Variants in DSE observed in about 807,000 individuals in gnomAD.
DSE encodes dermatan-sulfate epimerase.
In DSE, 36 loss-of-function variants were observed where a neutral mutation model predicts 84.4. The ratio of observed to expected loss-of-function variants is 0.43; its 90% CI spans 0.33 to 0.56. DSE has a LOEUF of 0.56. DSE is among the 20% of genes least tolerant of loss of function. The pLI, the probability that DSE is intolerant of heterozygous loss-of-function variation, is 0.06. For synonymous variants in DSE, 410 were observed against 430.1 expected, an observed-to-expected ratio of 0.95 and a Z score of 0.58; for missense variants, 862 against 1,169.6, an observed-to-expected ratio of 0.74 and a Z score of 3.84.
intron 2 of DSE, among the ~76,000 whole-genome samples, chr6:116,402,022 T>G (rs1334345485): frequency 6.6e-6 from 1 of 152,164 alleles, no homozygotes; most frequent in Non-Finnish European, 1.5e-5. Context: ...AGTTACTAAG[T>G]TATGTTCATT....
chr6:116,328,247 A>G (rs902149329), intron 2 of DSE, among the ~76,000 whole-genome samples: 3 of 152,236 alleles, frequency 2.0e-5, no homozygotes, highest in Non-Finnish European at 2.9e-5. Context: ...AAAGGATTCA[A>G]TGCTGTTTTT....
chr6:116,331,011 A>G (rs1583030483), intron 2 of DSE, among the ~76,000 whole-genome samples: 1 of 152,362 alleles, frequency 6.6e-6, no homozygotes, highest in Non-Finnish European at 1.5e-5. Flanking sequence ...AACAGAATAA[A>G]GGAAAAAATT....
At chr6:116,321,926 T>C (rs1776348487) in intron 2 of DSE, among the ~76,000 whole-genome samples, 1 of 152,034 alleles carries the variant, frequency 6.6e-6, no homozygotes, top group Non-Finnish European at 1.5e-5. Context: ...TTTCACATGA[T>C]AGTGTAGCAG....
In DSE at chr6:116,385,402, C is replaced by T. The variant is rs937572247; in HGVS notation, c.-53-13796C>T. On this transcript the variant is annotated intron_variant, in intron 1 of 5. Coordinates refer to ENST00000644252, the MANE Select transcript of DSE (RefSeq NM_013352.4). ...GCAGGTAGACAAATTTGGAGGCTGTCGCAGGCAAGACATGGTATGGCTGTA... is the reference window on the plus strand; with the variant it reads ...GCAGGTAGACAAATTTGGAGGCTGTTGCAGGCAAGACATGGTATGGCTGTA... Among the ~76,000 whole-genome samples, 5 of 151,968 alleles carry T rather than the reference C, an allele frequency of 3.3e-5. No homozygotes were observed. The South Asian group carries it at 1.0e-3, about 32-fold the overall frequency.
intron 2 of DSE, among the ~76,000 whole-genome samples, chr6:116,285,104 C>T (rs1773800986): frequency 6.6e-6 from 1 of 152,162 alleles, no homozygotes; most frequent in African/African-American, 2.4e-5. Flanking sequence ...CACTGACTTC[C>T]ACAATGGTTG....
chr6:116,279,728 T>G, intron 2 of DSE: 2 of 1,611,708 alleles, frequency 1.2e-6, no homozygotes, highest in Non-Finnish European at 1.7e-6. Context: ...TCGCGGAGCC[T>G]CAGGTACTGG....
intron 3 of DSE, 103 bp downstream of exon 3, chr6:116,426,930 C>T: frequency 1.0e-5 from 15 of 1,442,818 alleles, no homozygotes; most frequent in Non-Finnish European, 1.4e-5. Flanking sequence ...CATGTTCATA[C>T]TTGGATCCTA....
At chr6:116,413,173 C>T (rs1450324263) in intron 2 of DSE, among the ~76,000 whole-genome samples, 1 of 152,148 alleles carries the variant, frequency 6.6e-6, no homozygotes, top group African/African-American at 2.4e-5. Flanking sequence ...CTGATGCACA[C>T]ATAACTTCAA....
intron 2 of DSE, among the ~76,000 whole-genome samples, chr6:116,415,554 T>C (rs1287670245): frequency 1.3e-5 from 2 of 151,572 alleles, no homozygotes; most frequent in African/African-American, 4.8e-5. Flanking sequence ...TTCTTTTTTT[T>C]TTCCTCTCTT....
intron 2 of DSE, chr6:116,279,654 G>C: frequency 6.2e-7 from 1 of 1,606,310 alleles, no homozygotes. Context: ...GTGGAGGCGG[G>C]AGCGCGACGG....
At chr6:116,258,926 C>T in exon 2 of DSE, 2 of 1,569,050 alleles carry the variant, frequency 1.3e-6, no homozygotes, top group African/African-American at 1.3e-5. Flanking sequence ...GGACACTGAG[C>T]TTTGTGGAAG....
Position 116,436,693 on chromosome 6 carries a change from T to C in DSE, c.2225T>C (p.Val742Ala). ...VPEVKDYAAIVEQNLQHFKPV... is the reference protein window; with the variant it reads ...VPEVKDYAAIAEQNLQHFKPV... ...GAGGTGAAGGACTATGCTGCTATTG[T>C]GGAACAGAACTTGCAGCATTTTAAA... The change falls in exon 6 of 6, where the codon GTG becomes GCG. Residue 742 changes from valine to alanine, a missense_variant. Around this residue, in one of 4 missense-constraint regions of DSE, gnomAD observed 315 missense variants for 348.1 expected, o/e 0.90. Transcript: ENST00000644252. The C allele has an allele frequency of 6.2e-7, 1 of 1,614,142 alleles. No individual in the cohort carries two copies. The highest frequency in any genetic ancestry group is 8.5e-7 in the Non-Finnish European group (1 of 1,180,014).
intron 2 of DSE, among the ~76,000 whole-genome samples, chr6:116,269,903 T>C (rs1045634108): frequency 1.3e-5 from 2 of 152,100 alleles, no homozygotes; most frequent in Non-Finnish European, 2.9e-5. Flanking sequence ...TTCATCAATA[T>C]TGGATCAAGA....
chr6:116,411,177 C>T (rs1248345500), intron 2 of DSE, among the ~76,000 whole-genome samples: 3 of 151,356 alleles, frequency 2.0e-5, no homozygotes, highest in Admixed American at 2.0e-4. Context: ...GTGTGTTGTG[C>T]GTGTGTGTGT....
intron 1 of DSE, among the ~76,000 whole-genome samples, chr6:116,398,148 C>A (rs142238981): frequency 8.5e-5 from 13 of 152,276 alleles, no homozygotes; most frequent in Middle Eastern, 3.4e-3. Flanking sequence ...ATAACCTTTC[C>A]CCTCTTAAGA....
Position 116,419,863 on chromosome 6 carries a change from A to G in DSE, c.417-6711A>G, listed in dbSNP as rs546206369. On this transcript the variant is annotated intron_variant, in intron 2 of 5. Coordinates refer to ENST00000644252, the MANE Select transcript of DSE (RefSeq NM_013352.4). ...TTGGTAAAACTATAGTTATTCTGAA[A>G]ATGAGAAAAAGAAGATGGATCATTT... 1.7e-4 allele frequency among the ~76,000 whole-genome samples: 26 copies of G among 152,354 alleles called. No homozygotes were observed. The South Asian group carries it at 5.2e-3, about 30-fold the overall frequency.
intron 2 of DSE, among the ~76,000 whole-genome samples, chr6:116,321,605 G>A (rs1439937197): frequency 6.6e-6 from 1 of 152,060 alleles, no homozygotes; most frequent in Admixed American, 6.5e-5. Context: ...AGCAAACATA[G>A]TGAAACCCCG....
At chr6:116,356,129 C>T (rs941257656) in intron 2 of DSE, among the ~76,000 whole-genome samples, 4 of 152,174 alleles carry the variant, frequency 2.6e-5, no homozygotes, top group Admixed American at 1.3e-4. Flanking sequence ...GCTGCACTTC[C>T]GATTTATCTA....
chr6:116,383,360 T>C (rs574266171), intron 1 of DSE, among the ~76,000 whole-genome samples: 1 of 151,786 alleles, frequency 6.6e-6, no homozygotes, highest in African/African-American at 2.4e-5. Flanking sequence ...GGGGTAAAAA[T>C]GGGTAGGGTG....
Sources: gnomAD v4.1 joint callset for allele counts (sites outside exome capture counted in the v4.1 genomes callset) on GRCh38, gnomAD v4.1.1 for gene constraint, gnomAD v4.1.1 regional missense constraint, MANE v1.5 for transcripts, NCBI Gene and HGNC (gene_info 2026-07-23, HGNC 2026-07-21) for gene names.